The following CLBA1 variants were observed in gnomAD, a reference collection of about 807,000 sequenced individuals.
CLBA1 encodes the protein uncharacterized protein CLBA1.
CLBA1 carries 30 observed loss-of-function variants against 28.8 expected under a neutral mutation model. That is an observed-to-expected ratio of 1.04 (90% CI 0.78 to 1.41). The LOEUF (loss-of-function observed/expected upper bound fraction) is 1.41, where lower values mean the gene tolerates loss of function less well. CLBA1 is among the 40% of genes most tolerant of loss of function. The pLI, the probability that CLBA1 is intolerant of heterozygous loss-of-function variation, is 0.00. For synonymous variants in CLBA1, 160 were observed against 152.8 expected, an observed-to-expected ratio of 1.05 and a Z score of -0.35; for missense variants, 451 against 412.3, an observed-to-expected ratio of 1.09 and a Z score of -0.81.
At chr14:104,989,343 C>T (rs1464864281) in intron 2 of CLBA1, 3 of 471,378 alleles carry the variant, frequency 6.4e-6, no homozygotes, top group Non-Finnish European at 7.8e-6. Flanking sequence ...AGCCCAGCTC[C>T]CCTTGGGTCT....
At position 104,989,049 on chromosome 14, in the gene CLBA1, G is replaced by A. The variant is rs1428675881; in HGVS notation, c.530G>A (p.Ser177Asn). The A allele has an allele frequency of 1.2e-6, 2 of 1,613,210 alleles. No individual in the cohort carries two copies. Among genetic ancestry groups the A allele is most frequent in the Admixed American group, 1.7e-5 (1 of 59,896 alleles). Residue 177 changes from serine to asparagine, a missense_variant, in exon 2 of 5, where the codon AGT becomes AAT. Physicochemically the swap from Ser to Asn is conservative, Grantham distance 46. Transcript: ENST00000547315. ...STIDHFLEIS[S>N]EEKPGVERVH... ...ATAGACCATTTCCTAGAAATAAGCA[G>A]TGAAGAAAAACCTGGCGTTGAACGT...
At position 104,994,993 on chromosome 14, in the gene CLBA1, C is replaced by T. The variant is rs1013452261; in HGVS notation, c.*234C>T. ...AGAGGTTTCTGGATGCCATGACAGG[C>T]TGTCGGGGTCCAGGTGGCACTCATG... is the stretch of plus-strand genomic sequence containing the variant. On this transcript the variant is annotated 3_prime_UTR_variant, in exon 5 of 5. Coordinates refer to ENST00000547315, the MANE Select transcript of CLBA1 (RefSeq NM_174891.4). 1 of 1,187,410 alleles carries T rather than the reference C, an allele frequency of 8.4e-7. No homozygotes were observed. The highest frequency in any genetic ancestry group is 1.0e-6 in the Non-Finnish European group (1 of 956,836). 73.6% of individuals were successfully genotyped at this position (1,187,410 alleles called of 1,614,324 possible).
intron 2 of CLBA1, 174 bp from the exon 3 acceptor site, chr14:104,991,317 C>A: frequency 1.5e-6 from 1 of 647,532 alleles, no homozygotes; most frequent in Non-Finnish European, 2.5e-6. Context: ...AGCCACTGTG[C>A]CCAGCCCGGG....
In CLBA1 at chr14:104,995,200, G is replaced by C; in HGVS notation, c.*441G>C. The C allele has an allele frequency of 1.0e-6, 1 of 987,350 alleles. No homozygotes were observed. Among genetic ancestry groups the C allele is most frequent in the Non-Finnish European group, 1.2e-6 (1 of 831,494 alleles). 61.2% of individuals were successfully genotyped at this position (987,350 alleles called of 1,614,324 possible). A position where few individuals can be genotyped will look rare whatever the true frequency, so the allele number is the denominator to read the frequency against. ...GAGAGACAGCTGTTGAGACCGCTCA[G>C]AAACCCTCTGTCTGTCACACTCTGC... is the stretch of plus-strand genomic sequence containing the variant. On this transcript the variant is annotated 3_prime_UTR_variant, in exon 5 of 5. Transcript: ENST00000547315.
chr14:104,991,421 C>T (rs1290910805), intron 2 of CLBA1, 70 bp from the exon 3 acceptor site: 22 of 1,594,676 alleles, frequency 1.4e-5, no homozygotes, highest in Admixed American at 3.4e-5. Flanking sequence ...CTGCGTGCCT[C>T]GGGCCGTGCC....
In CLBA1 at chr14:104,988,890, G is replaced by A. The variant is rs149773032; in HGVS notation, c.424-53G>A. ...AATTATTTCTTTGGAATAAGGTAAC[G>A]TTATGTATGTCTTTCTCCTAACTTT... On this transcript the variant is annotated intron_variant, in intron 1 of 4. Coordinates refer to ENST00000547315, the MANE Select transcript of CLBA1 (RefSeq NM_174891.4). 218 of 1,503,818 alleles carry A rather than the reference G, an allele frequency of 1.4e-4. No homozygotes were observed. In the African/African-American group the frequency reaches 2.4e-3, roughly 17 times the overall value. The allele number at this position is 1,503,818 out of a possible 1,614,324, so 93.2% of individuals were successfully genotyped here. A position where few individuals can be genotyped will look rare whatever the true frequency, so the allele number is the denominator to read the frequency against.
downstream of CLBA1, among the ~76,000 whole-genome samples, chr14:104,996,485 A>C (rs1900157922): frequency 6.6e-6 from 1 of 152,058 alleles, no homozygotes; most frequent in Non-Finnish European, 1.5e-5. Context: ...GCTGACGGAC[A>C]CTCCCTCGAG....
At chr14:104,992,834 G>A in intron 3 of CLBA1, 114 bp from the exon 4 acceptor site, 1 of 878,926 alleles carries the variant, frequency 1.1e-6, no homozygotes, top group Non-Finnish European at 1.9e-6. Flanking sequence ...CTTGAGAGGG[G>A]CCTGAGAGAA....
downstream of CLBA1, chr14:104,999,316 TG>T (rs967329920): frequency 3.4e-6 from 3 of 878,740 alleles, no homozygotes; most frequent in Admixed American, 1.9e-4. Flanking sequence ...AGCAGATAAC[TG>T]AGCCGTCAGC....
chr14:104,994,401 G>A (rs1900116881), intron 4 of CLBA1, 197 bp from the exon 5 acceptor site: 6 of 985,464 alleles, frequency 6.1e-6, no homozygotes, highest in African/African-American at 1.7e-5. Context: ...GCCACAGACT[G>A]CACCATGAGG....
At chr14:105,001,193 T>C (rs1278337909) in intron 2 of CLBA1, among the ~76,000 whole-genome samples, 2 of 151,986 alleles carry the variant, frequency 1.3e-5, no homozygotes, top group Non-Finnish European at 2.9e-5. Context: ...CACTCATACG[T>C]GGAACCCAAA....
Position 104,985,814 on chromosome 14 carries a change from G to C in CLBA1, c.-618G>C. On this transcript the variant is annotated 5_prime_UTR_variant, in exon 1 of 5. Transcript: ENST00000547315. The stretch of plus-strand genomic sequence containing the variant: ...GGCAACGGGGCGGCGCAGGCAGGAG[G>C]GAACGGCTGGTTGCAGGTTTCTCTC... 3.3e-6 allele frequency: 1 copy of C among 301,706 alleles called. No individual in the cohort carries two copies. The highest frequency in any genetic ancestry group is 2.2e-5 in the South Asian group (1 of 45,920). 18.7% of individuals were successfully genotyped at this position (301,706 alleles called of 1,614,324 possible). A position where few individuals can be genotyped will look rare whatever the true frequency, so the allele number is the denominator to read the frequency against.
Position 104,986,292 on chromosome 14 carries a change from C to T in CLBA1, c.-140C>T. 1 of 847,712 alleles carries T rather than the reference C, an allele frequency of 1.2e-6. No individual in the cohort carries two copies. Among genetic ancestry groups the T allele is most frequent in the Middle Eastern group, 3.6e-4 (1 of 2,776 alleles). 52.5% of individuals were successfully genotyped at this position (847,712 alleles called of 1,614,324 possible). ...GCACTTTCCACCGTCAGCCACTGGG[C>T]AGCCCGGGGCACTCCTGCAGCGTCC... On this transcript the variant is annotated 5_prime_UTR_variant, in exon 1 of 5. Transcript: ENST00000547315.
intron 2 of CLBA1, chr14:104,990,462 C>CTAATTTTTG (rs906249061): frequency 3.4e-5 from 5 of 148,980 alleles, no homozygotes; most frequent in African/African-American, 1.3e-4. Flanking sequence ...CTACACCCAG[C>CTAATTTTTG]TAATTTTTGT....
chr14:104,996,517 C>T (rs969624497), downstream of CLBA1, among the ~76,000 whole-genome samples: 1 of 152,220 alleles, frequency 6.6e-6, no homozygotes, highest in African/African-American at 2.4e-5. Context: ...CACAGATATG[C>T]TGGGATTTTT....
chr14:104,992,303 T>C (rs545495925), intron 3 of CLBA1, among the ~76,000 whole-genome samples: 1 of 152,318 alleles, frequency 6.6e-6, no homozygotes, highest in East Asian at 1.9e-4. Context: ...GTGCACGTGC[T>C]CAAGCTCCTG....
intron 4 of CLBA1, chr14:104,993,562 A>G (rs995202963): frequency 1.0e-6 from 1 of 985,428 alleles, no homozygotes; most frequent in Non-Finnish European, 1.2e-6. Context: ...TCACTTCATC[A>G]CATCATCACA....
At chr14:104,989,613 G>A (rs1443715038) in intron 2 of CLBA1, 18 of 455,984 alleles carry the variant, frequency 3.9e-5, no homozygotes, top group African/African-American at 1.0e-4. Context: ...GCAGTCACTC[G>A]CAGATGGCCA....
At chr14:104,992,637 T>C (rs1319711926) in intron 3 of CLBA1, among the ~76,000 whole-genome samples, 1 of 152,144 alleles carries the variant, frequency 6.6e-6, no homozygotes, top group Non-Finnish European at 1.5e-5. Context: ...GAGGCCTGAA[T>C]AGAAGCCTCA....
Sources: allele counts gnomAD v4.1 joint callset (sites outside exome capture counted in the v4.1 genomes callset), GRCh38; gene constraint gnomAD v4.1.1; transcripts MANE v1.5; gene names NCBI Gene and HGNC (gene_info 2026-07-23, HGNC 2026-07-21).